ZNF516: variants seen among roughly 807,000 people sequenced by gnomAD.
ZNF516 encodes the protein zinc finger protein 516.
ZNF516 carries 19 observed loss-of-function variants against 79.7 expected under a neutral mutation model. The ratio of observed to expected loss-of-function variants is 0.24; its 90% CI spans 0.17 to 0.35. The LOEUF is 0.35. Among genes scored for constraint, ZNF516 ranks in the 10% least tolerant of loss-of-function variants. The pLI, the probability that ZNF516 is intolerant of heterozygous loss-of-function variation, is 1.00. For missense variants in ZNF516, 1,678 were observed against 1,679.5 expected, an observed-to-expected ratio of 1.00 and a Z score of 0.02; for synonymous variants, 877 against 739.5, an observed-to-expected ratio of 1.19 and a Z score of -3.02.
chr18:76,410,303 A>G (rs994238691), intron 3 of ZNF516, among the ~76,000 whole-genome samples: 8 of 152,218 alleles, frequency 5.3e-5, no homozygotes, highest in African/African-American at 2.4e-5. Context: ...GCTTCTTGAT[A>G]GAGCTTCCTG....
At chr18:76,482,123 T>C (rs1045538025) in intron 1 of ZNF516, among the ~76,000 whole-genome samples, 3 of 152,140 alleles carry the variant, frequency 2.0e-5, no homozygotes, top group Non-Finnish European at 4.4e-5. Context: ...TTTTCCTTCA[T>C]GGGAGAACTG....
At chr18:76,464,692 A>G (rs1302674983) in intron 1 of ZNF516, among the ~76,000 whole-genome samples, 30 of 119,374 alleles carry the variant, frequency 2.5e-4, no homozygotes, top group African/African-American at 6.0e-4. Flanking sequence ...TGGACTTGCA[A>G]GGCCTCCCTG....
intron 3 of ZNF516, among the ~76,000 whole-genome samples, chr18:76,427,913 CTTTT>C (rs1162373270): frequency 2.0e-5 from 3 of 152,120 alleles, no homozygotes; most frequent in Non-Finnish European, 4.4e-5. Flanking sequence ...AAATATACCA[CTTTT>C]TTTGTTTCAT....
intron 2 of ZNF516, among the ~76,000 whole-genome samples, chr18:76,448,023 A>G (rs1267600567): frequency 1.3e-5 from 2 of 152,320 alleles, no homozygotes; most frequent in African/African-American, 4.8e-5. Context: ...GGTAACAATC[A>G]CATTTATTAA....
rs190177130 is a variant in ZNF516, at chr18:76,380,059, G to C, written c.2055C>G (p.Pro685=). 6.2e-7 allele frequency: 1 copy of C among 1,613,912 alleles called. No homozygotes were observed. Among genetic ancestry groups the C allele is most frequent in the Middle Eastern group, 1.6e-4 (1 of 6,062 alleles). The part of the protein sequence containing the change: ...MPAFHPKQEV[P]VPGDGVEFPS... ...GGAACTCCACACCATCACCAGGGAC[G>C]GGCACCTCCTGCTTGGGGTGAAATG... Residue 685 remains proline (P), a synonymous_variant, in exon 4 of 7, where the codon CCC becomes CCG. Transcript: ENST00000443185.
chr18:76,473,293 T>A (rs1913953118), intron 1 of ZNF516, among the ~76,000 whole-genome samples: 2 of 132,440 alleles, frequency 1.5e-5, no homozygotes, highest in Non-Finnish European at 1.6e-5. Flanking sequence ...TGGAATAAAC[T>A]CACTTATTTA....
chr18:76,453,950 A>G (rs1169298148), intron 2 of ZNF516, among the ~76,000 whole-genome samples: 1 of 152,206 alleles, frequency 6.6e-6, no homozygotes, highest in Admixed American at 6.5e-5. Flanking sequence ...CTATTTTCCA[A>G]CCACTTGATT....
chr18:76,370,678 A>C (rs1599134430), intron 5 of ZNF516, 83 bp from the exon 6 acceptor site: 2 of 1,202,634 alleles, frequency 1.7e-6, no homozygotes, highest in Middle Eastern at 2.2e-4. Flanking sequence ...CAGATTAAGT[A>C]CTTCCACAAA....
chr18:76,414,018 A>C (rs2075403367), intron 3 of ZNF516, among the ~76,000 whole-genome samples: 1 of 152,236 alleles, frequency 6.6e-6, no homozygotes, highest in Non-Finnish European at 1.5e-5. Context: ...AAAAAGTTTT[A>C]TTCTTGAGAA....
chr18:76,488,540 G>A (rs1478087643), intron 1 of ZNF516, among the ~76,000 whole-genome samples: 1 of 142,256 alleles, frequency 7.0e-6, no homozygotes, highest in Non-Finnish European at 1.5e-5. Flanking sequence ...GGGGGAGGGG[G>A]AGGGACAGCA....
chr18:76,432,238 C>T (rs2075670021), intron 3 of ZNF516, among the ~76,000 whole-genome samples: 1 of 152,254 alleles, frequency 6.6e-6, no homozygotes, highest in Non-Finnish European at 1.5e-5. Flanking sequence ...GCACCAACAC[C>T]GTGCAAAGCA....
chr18:76,437,509 T>A (rs1275604603), intron 3 of ZNF516, among the ~76,000 whole-genome samples: 2 of 152,094 alleles, frequency 1.3e-5, no homozygotes, highest in African/African-American at 4.8e-5. Context: ...AGGCACTTGT[T>A]CCAAGCACTT....
intron 3 of ZNF516, among the ~76,000 whole-genome samples, chr18:76,435,414 A>G (rs1751432769): frequency 6.6e-6 from 1 of 152,250 alleles, no homozygotes; most frequent in African/African-American, 2.4e-5. Context: ...AAACGTATTT[A>G]GGAGACACTA....
At position 76,379,159 on chromosome 18, in the gene ZNF516, T is replaced by C. The variant is rs750881976; in HGVS notation, c.2955A>G (p.Pro985=). The C allele has an allele frequency of 1.9e-6, 3 of 1,612,818 alleles. No homozygotes were observed. Among genetic ancestry groups the C allele is most frequent in the Admixed American group, 1.7e-5 (1 of 60,024 alleles). The change falls in exon 4 of 7, where the codon CCA becomes CCG. Residue 985 remains proline, a synonymous_variant. Coordinates refer to ENST00000443185, the MANE Select transcript of ZNF516 (RefSeq NM_014643.4). The part of the protein sequence containing the change: ...KAKFSAQPQG[P]PPAKGEGGAP... ...CGCCCCCTTCGCCCTTTGCAGGAGGTGGACCCTGAGGCTGAGCACTGAATT... is the reference window on the plus strand; with the variant it reads ...CGCCCCCTTCGCCCTTTGCAGGAGGCGGACCCTGAGGCTGAGCACTGAATT...
intron 1 of ZNF516, among the ~76,000 whole-genome samples, chr18:76,489,365 A>C (rs1328670631): frequency 6.6e-6 from 1 of 152,256 alleles, no homozygotes; most frequent in Non-Finnish European, 1.5e-5. Context: ...AGTATTCTTT[A>C]CAGAAGTCTC....
chr18:76,496,406 G>C (rs994968723), upstream of ZNF516: 21 of 1,289,696 alleles, frequency 1.6e-5, no homozygotes, highest in East Asian at 1.2e-3. Context: ...CTCAGCGGCG[G>C]CGTCTCTCTC....
intron 3 of ZNF516, among the ~76,000 whole-genome samples, chr18:76,391,989 C>T (rs899938894): frequency 2.0e-5 from 3 of 152,236 alleles, no homozygotes; most frequent in Non-Finnish European, 4.4e-5. Context: ...GCAAACAACA[C>T]CACGGTCCTC....
rs201138112 is a variant in ZNF516, at chr18:76,379,956, C to T, written c.2158G>A (p.Gly720Arg). 1.4e-4 allele frequency: 230 copies of T among 1,614,018 alleles called. No individual in the cohort carries two copies. In the African/African-American group the frequency reaches 2.7e-3, roughly 19 times the overall value. Reference protein sequence around the residue: ...LSDLHNKEHSGGGKRALAPDL... With the variant: ...LSDLHNKEHSRGGKRALAPDL... ...GGGGCCAGCGCCCGCTTCCCTCCCCCAGAGTGTTCCTTGTTGTGCAAATCG... is the reference window on the plus strand; with the variant it reads ...GGGGCCAGCGCCCGCTTCCCTCCCCTAGAGTGTTCCTTGTTGTGCAAATCG... Residue 720 changes from glycine to arginine, a missense_variant, in exon 4 of 7, where the codon GGG (glycine) becomes AGG (arginine). Physicochemically the swap from Gly to Arg is moderately radical, Grantham distance 125. This residue lies in a region of ZNF516 where 1,294 missense variants were observed against 1,248.3 expected (regional missense o/e 1.04). Transcript: ENST00000443185.
At chr18:76,384,370 T>TTCTCCTTAGCC (rs2074945552) in intron 3 of ZNF516, among the ~76,000 whole-genome samples, 1 of 97,932 alleles carries the variant, frequency 1.0e-5, no homozygotes, top group African/African-American at 4.2e-5. Context: ...CCTCCACGGT[T>TTCTCCTTAGCC]CCGACACCCC....
Sources: gnomAD v4.1 joint callset for allele counts (sites outside exome capture counted in the v4.1 genomes callset) on GRCh38, gnomAD v4.1.1 for gene constraint, gnomAD v4.1.1 regional missense constraint, MANE v1.5 for transcripts, NCBI Gene and HGNC (gene_info 2026-07-23, HGNC 2026-07-21) for gene names.